GALNTL5: variants seen among roughly 807,000 people sequenced by gnomAD.
GALNTL5 encodes polypeptide N-acetylgalactosaminyltransferase like 5, also known as inactive polypeptide N-acetylgalactosaminyltransferase-like protein 5.
A neutral mutation model predicts 51.0 loss-of-function variants in GALNTL5; 44 were observed. The observed-to-expected ratio is 0.86, with a 90% CI of 0.68 to 1.11. The LOEUF (loss-of-function observed/expected upper bound fraction) is 1.11, where lower values mean the gene tolerates loss of function less well. Ranked by LOEUF, GALNTL5 falls within the 50% of genes least tolerant of loss-of-function variation. The probability of loss-of-function intolerance (pLI) is 0.00; values close to 1 mark genes in which losing one functional copy is unlikely to be tolerated. For missense variants in GALNTL5, 528 were observed against 531.8 expected (o/e 0.99, Z 0.07); for synonymous variants, 192 against 182.8 (o/e 1.05, Z -0.41).
intron 5 of GALNTL5, among the ~76,000 whole-genome samples, chr7:151,999,735 A>G (rs776480580): frequency 1.3e-5 from 2 of 152,214 alleles, no homozygotes; most frequent in African/African-American, 2.4e-5. Flanking sequence ...AATATTATAG[A>G]AGCTATTTTA....
At chr7:151,985,270 A>G (rs2081346967) in intron 4 of GALNTL5, among the ~76,000 whole-genome samples, 1 of 152,076 alleles carries the variant, frequency 6.6e-6, no homozygotes, top group Non-Finnish European at 1.5e-5. Context: ...TTCATCACAC[A>G]TTGTGGTCCC....
At chr7:151,979,105 T>TC (rs36050478) in intron 3 of GALNTL5, among the ~76,000 whole-genome samples, 46,136 of 123,098 alleles carry the variant, frequency 0.37, 9,422 homozygotes, top group South Asian at 0.5. Context: ...TTACTTTTAC[T>TC]CTTTTTTTTT....
chr7:151,960,360 C>CA (rs1188240862), intron 1 of GALNTL5: 1 of 152,236 alleles, frequency 6.6e-6, no homozygotes, highest in East Asian at 1.9e-4. Context: ...TTCAGAACAC[C>CA]ACCTTTCCAC....
chr7:152,001,559 A>G (rs1563020946), intron 5 of GALNTL5, among the ~76,000 whole-genome samples: 1 of 152,236 alleles, frequency 6.6e-6, no homozygotes, highest in African/African-American at 2.4e-5. Context: ...TCAAAAATCA[A>G]TTGACCATAG....
chr7:151,988,086 C>T (rs975096800), intron 5 of GALNTL5, among the ~76,000 whole-genome samples: 1 of 152,228 alleles, frequency 6.6e-6, no homozygotes, highest in Non-Finnish European at 1.5e-5. Flanking sequence ...GCAGCACACT[C>T]CCAGGGCTGC....
chr7:152,018,553 G>C (rs777485663), intron 8 of GALNTL5, among the ~76,000 whole-genome samples: 7 of 152,144 alleles, frequency 4.6e-5, no homozygotes, highest in African/African-American at 7.2e-5. Context: ...AGAGCAAAAA[G>C]TTAACTTAAA....
intron 8 of GALNTL5, among the ~76,000 whole-genome samples, chr7:152,017,611 T>TAATCAAG (rs1483657274): frequency 6.6e-6 from 1 of 152,130 alleles, no homozygotes; most frequent in Admixed American, 6.6e-5. Flanking sequence ...AATTAATACG[T>TAATCAAG]AATCAAGATA....
At chr7:151,986,887 G>C (rs530927089) in intron 4 of GALNTL5, among the ~76,000 whole-genome samples, 6 of 150,834 alleles carry the variant, frequency 4.0e-5, no homozygotes, top group Non-Finnish European at 8.8e-5. Flanking sequence ...CACTATGCCC[G>C]GCTAATTTTT....
At chr7:151,959,220 G>T (rs1030067794) in intron 1 of GALNTL5, among the ~76,000 whole-genome samples, 6 of 150,964 alleles carry the variant, frequency 4.0e-5, no homozygotes, top group African/African-American at 1.5e-4. Flanking sequence ...ACATTTGGTT[G>T]TCTCCCCTTA....
intron 4 of GALNTL5, among the ~76,000 whole-genome samples, chr7:151,986,194 C>G (rs552506900): frequency 1.3e-5 from 2 of 152,048 alleles, no homozygotes; most frequent in Admixed American, 6.6e-5. Flanking sequence ...TCTCGTGGTT[C>G]GATAACTTTC....
At chr7:152,013,272 T>C (rs987912193) in intron 7 of GALNTL5, among the ~76,000 whole-genome samples, 2 of 151,882 alleles carry the variant, frequency 1.3e-5, no homozygotes, top group Admixed American at 1.3e-4. Context: ...TGAAATGACC[T>C]GTGCTCAAAA....
intron 3 of GALNTL5, among the ~76,000 whole-genome samples, chr7:151,981,607 CTCCTTCCT>C (rs141119787): frequency 3.5e-5 from 2 of 56,592 alleles, no homozygotes; most frequent in Non-Finnish European, 6.1e-5. Flanking sequence ...CCTTCCTTCC[CTCCTTCCT>C]TCCTTCCTTC....
At chr7:151,970,122 T>A (rs1340189053) in intron 2 of GALNTL5, among the ~76,000 whole-genome samples, 2 of 139,226 alleles carry the variant, frequency 1.4e-5, no homozygotes, top group African/African-American at 2.6e-5. Flanking sequence ...AAAACTGAAT[T>A]CTTTGGTGGG....
At chr7:151,997,398 G>T (rs1204648584) in intron 5 of GALNTL5, among the ~76,000 whole-genome samples, 1 of 152,058 alleles carries the variant, frequency 6.6e-6, no homozygotes, top group African/African-American at 2.4e-5. Context: ...CAAACTTTAG[G>T]TTTCCACAAA....
rs1333135073 is a variant in GALNTL5, at chr7:151,964,551, C to CT, written c.-39-2655dup. 2.0e-5 allele frequency among the ~76,000 whole-genome samples: 3 copies of CT among 152,286 alleles called. No homozygotes were observed. In the East Asian group the frequency reaches 5.8e-4, roughly 30 times the overall value. The stretch of plus-strand genomic sequence containing the variant: ...TTGCCTGCTGCCATCCATGGTGTGG[C>CT]TTGCTCCTCCTTGCCTTCCAGCCTG... On this transcript the variant is annotated intron_variant, in intron 1 of 8. Transcript: ENST00000392800.
Position 151,977,938 on chromosome 7 carries a change from CTCTTTT to C in GALNTL5, c.369-5046_369-5041del, listed in dbSNP as rs573382706. 5.9e-3 allele frequency among the ~76,000 whole-genome samples: 895 copies of C among 152,246 alleles called. 9 individuals carry two copies. The highest frequency in any genetic ancestry group is 0.021 in the African/African-American group (865 of 41,558). On this transcript the variant is annotated intron_variant, in intron 3 of 8. Coordinates refer to ENST00000392800, the MANE Select transcript of GALNTL5 (RefSeq NM_145292.4). ...ATTTTTTATTGTATGTTTTCCCACT[CTCTTTT>C]TAAGTTTGATGTGCATTGTTTTGTC...
intron 8 of GALNTL5, among the ~76,000 whole-genome samples, chr7:152,019,010 A>G (rs1299654217): frequency 6.6e-6 from 1 of 152,322 alleles, no homozygotes; most frequent in East Asian, 1.9e-4. Context: ...TTAGACATTC[A>G]TTCTTGGGGC....
chr7:151,968,527 A>G (rs2081087987), intron 2 of GALNTL5, among the ~76,000 whole-genome samples: 1 of 152,182 alleles, frequency 6.6e-6, no homozygotes, highest in African/African-American at 2.4e-5. Flanking sequence ...GCCCCTTGGC[A>G]GGTCTCCTGC....
At chr7:151,966,483 G>A (rs2081061869) in intron 1 of GALNTL5, among the ~76,000 whole-genome samples, 1 of 152,012 alleles carries the variant, frequency 6.6e-6, no homozygotes, top group Non-Finnish European at 1.5e-5. Context: ...TGGCCAAGCT[G>A]GTCTCGAACT....
Sources: allele counts gnomAD v4.1 joint callset (sites outside exome capture counted in the v4.1 genomes callset), GRCh38; gene constraint gnomAD v4.1.1; transcripts MANE v1.5; gene names NCBI Gene and HGNC (gene_info 2026-07-23, HGNC 2026-07-21).